Variants in CORO2B observed in about 807,000 individuals in gnomAD.
CORO2B encodes coronin-2B.
Under a neutral mutation model 58.8 loss-of-function variants are expected in CORO2B, and 26 were observed. The ratio of observed to expected loss-of-function variants is 0.44; its 90% confidence interval spans 0.32 to 0.61. The LOEUF (loss-of-function observed/expected upper bound fraction) is 0.61, where lower values mean the gene tolerates loss of function less well. Ranked by LOEUF, CORO2B falls within the 20% of genes least tolerant of loss-of-function variation. The pLI is 0.04. For missense variants in CORO2B, 460 were observed against 645.1 expected (o/e 0.71, Z 3.11); for synonymous variants, 242 against 253.8 (o/e 0.95, Z 0.44).
intron 2 of CORO2B, among the ~76,000 whole-genome samples, chr15:68,687,664 T>C (rs1286204171): frequency 6.6e-6 from 1 of 152,252 alleles, no homozygotes; most frequent in Admixed American, 6.5e-5. Flanking sequence ...TTTATGTTGC[T>C]GGGCACATTT....
intron 1 of CORO2B, among the ~76,000 whole-genome samples, chr15:68,632,795 T>C (rs537580107): frequency 1.7e-4 from 26 of 152,334 alleles, no homozygotes; most frequent in African/African-American, 4.3e-4. Context: ...TTTTGCCACG[T>C]TGGTCAGGCT....
At chr15:68,615,404 C>T (rs931024621) in intron 1 of CORO2B, among the ~76,000 whole-genome samples, 5 of 152,194 alleles carry the variant, frequency 3.3e-5, no homozygotes, top group African/African-American at 4.8e-5. Context: ...GGCAATCACA[C>T]AGTGGATGTT....
chr15:68,558,242 A>G, the CORO2B span, among the ~76,000 whole-genome samples: 2 of 152,110 alleles, frequency 1.3e-5, no homozygotes, highest in Admixed American at 1.3e-4. Flanking sequence ...AAACATCTCT[A>G]CATCCAAGCC....
chr15:68,601,915 G>A (rs1289892594), intron 1 of CORO2B, among the ~76,000 whole-genome samples: 1 of 151,968 alleles, frequency 6.6e-6, no homozygotes, highest in Non-Finnish European at 1.5e-5. Context: ...AAGTTCTTTT[G>A]TTTGGCAAGA....
chr15:68,602,434 C>T (rs1379711724), intron 1 of CORO2B, among the ~76,000 whole-genome samples: 1 of 151,952 alleles, frequency 6.6e-6, no homozygotes, highest in Non-Finnish European at 1.5e-5. Context: ...CACACACACA[C>T]ACACACACAC....
intron 3 of CORO2B, among the ~76,000 whole-genome samples, chr15:68,703,498 A>C (rs1892710035): frequency 6.6e-6 from 1 of 152,072 alleles, no homozygotes; most frequent in Admixed American, 6.6e-5. Context: ...GCTACCCCAA[A>C]ACAGATTTGT....
chr15:68,687,321 AT>A (rs1288131464), intron 2 of CORO2B, among the ~76,000 whole-genome samples: 3 of 152,200 alleles, frequency 2.0e-5, no homozygotes, highest in African/African-American at 7.2e-5. Context: ...GTAAGAAAAC[AT>A]TTTGCTTCCA....
chr15:68,619,759 G>A (rs1337906487), intron 1 of CORO2B, among the ~76,000 whole-genome samples: 1 of 152,044 alleles, frequency 6.6e-6, no homozygotes, highest in Non-Finnish European at 1.5e-5. Context: ...GCATGCGTGT[G>A]TGTGTGTGCA....
At chr15:68,567,852 T>C in the CORO2B span, among the ~76,000 whole-genome samples, 16 of 152,042 alleles carry the variant, frequency 1.1e-4, no homozygotes, top group African/African-American at 3.9e-4. Context: ...AAACCCCGTC[T>C]CTACTAAAAA....
At chr15:68,599,556 G>T (rs1387254733) in intron 1 of CORO2B, among the ~76,000 whole-genome samples, 1 of 152,148 alleles carries the variant, frequency 6.6e-6, no homozygotes, top group East Asian at 1.9e-4. Context: ...CCCCACAAGG[G>T]CCTGAGACGG....
At chr15:68,601,519 G>A (rs1390484036) in intron 1 of CORO2B, among the ~76,000 whole-genome samples, 1 of 152,212 alleles carries the variant, frequency 6.6e-6, no homozygotes, top group Non-Finnish European at 1.5e-5. Context: ...AGTGCGAGGA[G>A]GGCTAGGATG....
intron 1 of CORO2B, among the ~76,000 whole-genome samples, chr15:68,603,320 G>A (rs547813584): frequency 3.9e-5 from 6 of 152,296 alleles, no homozygotes; most frequent in African/African-American, 1.2e-4. Context: ...GGTATGCACA[G>A]ATGAGCGAAA....
intron 2 of CORO2B, among the ~76,000 whole-genome samples, chr15:68,662,997 C>T (rs1188066470): frequency 3.3e-5 from 5 of 151,838 alleles, no homozygotes. Context: ...TTCTAGGCTA[C>T]CTGGTTTATC....
chr15:68,563,269 C>A, the CORO2B span, among the ~76,000 whole-genome samples: 1 of 151,898 alleles, frequency 6.6e-6, no homozygotes, highest in Non-Finnish European at 1.5e-5. Flanking sequence ...AGGAGGATCC[C>A]TTGAGCCCAG....
chr15:68,584,058 C>T (rs1899495875), intron 1 of CORO2B, among the ~76,000 whole-genome samples: 2 of 152,216 alleles, frequency 1.3e-5, no homozygotes, highest in Admixed American at 6.5e-5. Flanking sequence ...CTGTGTGAGG[C>T]ATTAGGAAAA....
the CORO2B span, among the ~76,000 whole-genome samples, chr15:68,558,698 G>C: frequency 4.6e-5 from 7 of 152,164 alleles, no homozygotes; most frequent in African/African-American, 7.2e-5. Flanking sequence ...ACTCCAGACA[G>C]ATGTGGTCTG....
intron 6 of CORO2B, among the ~76,000 whole-genome samples, chr15:68,714,285 T>C (rs946594384): frequency 2.0e-5 from 3 of 152,062 alleles, no homozygotes; most frequent in Admixed American, 6.5e-5. Flanking sequence ...TCCAGAGAGA[T>C]TGAGAGACTT....
chr15:68,597,754 A>G (rs780383570), intron 1 of CORO2B, among the ~76,000 whole-genome samples: 23 of 152,202 alleles, frequency 1.5e-4, no homozygotes, highest in Non-Finnish European at 2.2e-4. Flanking sequence ...ACCTCGGGCA[A>G]AAGTCCAGCC....
chr15:68,622,336 T>C (rs539094938), intron 1 of CORO2B, among the ~76,000 whole-genome samples: 11 of 152,252 alleles, frequency 7.2e-5, no homozygotes, highest in Middle Eastern at 3.4e-3. Context: ...GGGTTGGTTG[T>C]ACATTCCCTT....
Sources: allele counts gnomAD v4.1 joint callset (sites outside exome capture counted in the v4.1 genomes callset), GRCh38; gene constraint gnomAD v4.1.1; transcripts MANE v1.5; gene names NCBI Gene and HGNC (gene_info 2026-07-23, HGNC 2026-07-21).